BMPR1A: variants seen among roughly 807,000 people sequenced by gnomAD.
BMPR1A encodes bone morphogenetic protein receptor type 1A.
BMPR1A carries 7 observed loss-of-function variants against 66.0 expected under a neutral mutation model. The ratio of observed to expected loss-of-function variants is 0.11; its 90% CI spans 0.06 to 0.20. The LOEUF (loss-of-function observed/expected upper bound fraction) is 0.20, where lower values mean the gene tolerates loss of function less well. Ranked by LOEUF, BMPR1A falls within the 10% of genes least tolerant of loss-of-function variation. The pLI, the probability that BMPR1A is intolerant of heterozygous loss-of-function variation, is 1.00. For missense variants in BMPR1A, 408 were observed against 669.1 expected, an observed-to-expected ratio of 0.61 and a Z score of 4.31; for synonymous variants, 200 against 229.7, an observed-to-expected ratio of 0.87 and a Z score of 1.17.
intron 1 of BMPR1A, among the ~76,000 whole-genome samples, chr10:86,805,975 C>G (rs11202197): frequency 0.31 from 46,910 of 149,846 alleles, 8,343 homozygotes; most frequent in East Asian, 0.69. Flanking sequence ...TTTGGTTGTC[C>G]TGCCTCTTTA....
chr10:86,790,734 C>T (rs967125552), intron 1 of BMPR1A, among the ~76,000 whole-genome samples: 39 of 152,046 alleles, frequency 2.6e-4, no homozygotes, highest in African/African-American at 9.4e-4. Context: ...ATGAAAGGTC[C>T]GGAAAAGGTA....
At position 86,893,603 on chromosome 10, in the gene BMPR1A, A is replaced by T. The variant is rs181846546; in HGVS notation, c.333+1374A>T. Among the ~76,000 whole-genome samples, 469 of 152,292 alleles carry T rather than the reference A, an allele frequency of 3.1e-3. 2 individuals carry two copies. The highest frequency in any genetic ancestry group is 5.1e-3 in the Non-Finnish European group (350 of 68,010). ...TGGAGATCAAGACCATCCGGCTAAC[A>T]TGGTGAAACTCCGTCTCTACTAAAA... On this transcript the variant is annotated intron_variant, in intron 5 of 12. Coordinates refer to ENST00000372037, the MANE Select transcript of BMPR1A (RefSeq NM_004329.3).
chr10:86,907,312 G>A (rs982550815), intron 7 of BMPR1A, among the ~76,000 whole-genome samples: 14 of 152,164 alleles, frequency 9.2e-5, no homozygotes, highest in African/African-American at 3.4e-4. Context: ...CAATTAAAAT[G>A]GCCATTATCA....
downstream of BMPR1A, chr10:86,929,370 C>G (rs1040824768): frequency 6.6e-6 from 1 of 152,278 alleles, no homozygotes; most frequent in East Asian, 1.9e-4. Flanking sequence ...GGAAGTGAAG[C>G]CTTGGATAGC....
intron 1 of BMPR1A, among the ~76,000 whole-genome samples, chr10:86,766,087 A>G (rs1335846578): frequency 2.0e-5 from 3 of 150,436 alleles, no homozygotes; most frequent in Non-Finnish European, 4.4e-5. Context: ...CCTGGGCTCA[A>G]GCAATCCTCC....
chr10:86,757,854 A>G (rs1393445548), intron 1 of BMPR1A, among the ~76,000 whole-genome samples: 3 of 152,222 alleles, frequency 2.0e-5, no homozygotes, highest in Non-Finnish European at 4.4e-5. Context: ...GGAACATCGT[A>G]TTCTGGCAAA....
intron 1 of BMPR1A, among the ~76,000 whole-genome samples, chr10:86,818,457 A>G (rs1484258790): frequency 6.6e-6 from 1 of 152,224 alleles, no homozygotes; most frequent in Non-Finnish European, 1.5e-5. Flanking sequence ...TTCTTCGGTT[A>G]ATAATTTTAG....
chr10:86,837,267 G>A (rs995649414), intron 1 of BMPR1A, among the ~76,000 whole-genome samples: 1 of 127,632 alleles, frequency 7.8e-6, no homozygotes, highest in Non-Finnish European at 1.8e-5. Flanking sequence ...GTGTGTGTGT[G>A]TGTGTGTAAT....
At chr10:86,859,143 C>T (rs1038113132) in intron 2 of BMPR1A, among the ~76,000 whole-genome samples, 8 of 152,162 alleles carry the variant, frequency 5.3e-5, no homozygotes, top group African/African-American at 1.2e-4. Flanking sequence ...CTGGCAAAGG[C>T]GCCAAGAACA....
chr10:86,815,326 C>G (rs1222936534), intron 1 of BMPR1A, among the ~76,000 whole-genome samples: 5 of 152,138 alleles, frequency 3.3e-5, no homozygotes, highest in Non-Finnish European at 5.9e-5. Context: ...TTCTGGAGAA[C>G]CTTTTCCTGT....
intron 2 of BMPR1A, among the ~76,000 whole-genome samples, chr10:86,867,866 G>A (rs1381577285): frequency 6.6e-6 from 1 of 152,138 alleles, no homozygotes; most frequent in African/African-American, 2.4e-5. Flanking sequence ...AAACTATCTT[G>A]GCATAGAAGG....
chr10:86,760,192 T>G (rs1450358727), intron 1 of BMPR1A, among the ~76,000 whole-genome samples: 2 of 148,648 alleles, frequency 1.3e-5, no homozygotes, highest in African/African-American at 4.9e-5. Context: ...TTACCTGTTT[T>G]TTTTTTTTTT....
intron 1 of BMPR1A, among the ~76,000 whole-genome samples, chr10:86,821,652 G>C (rs1249128278): frequency 6.6e-6 from 1 of 152,094 alleles, no homozygotes; most frequent in East Asian, 1.9e-4. Flanking sequence ...CCCACATTTT[G>C]TGCTGCTCCC....
chr10:86,905,401 G>A (rs1843371143), intron 7 of BMPR1A, among the ~76,000 whole-genome samples: 1 of 152,070 alleles, frequency 6.6e-6, no homozygotes, highest in Admixed American at 6.6e-5. Flanking sequence ...TTTTACATTG[G>A]CAAGTATTCG....
At chr10:86,827,711 T>C (rs1394527647) in intron 1 of BMPR1A, among the ~76,000 whole-genome samples, 1 of 152,164 alleles carries the variant, frequency 6.6e-6, no homozygotes, top group Non-Finnish European at 1.5e-5. Flanking sequence ...TACATTTCAT[T>C]TGTTTTGAGT....
intron 1 of BMPR1A, among the ~76,000 whole-genome samples, chr10:86,832,666 A>G (rs118135376): frequency 0.028 from 4,215 of 152,282 alleles, 97 homozygotes; most frequent in South Asian, 0.1. Flanking sequence ...CGTTGGAAAC[A>G]TACAGTATGC....
chr10:86,878,916 G>A (rs1842953024), intron 3 of BMPR1A, among the ~76,000 whole-genome samples: 1 of 152,058 alleles, frequency 6.6e-6, no homozygotes, highest in Non-Finnish European at 1.5e-5. Flanking sequence ...CAATTAAAAG[G>A]ATCTGGGAGA....
At chr10:86,885,292 C>T (rs1010648356) in intron 3 of BMPR1A, among the ~76,000 whole-genome samples, 1 of 152,122 alleles carries the variant, frequency 6.6e-6, no homozygotes, top group Non-Finnish European at 1.5e-5. Context: ...ATTTTATTAT[C>T]CATAAGTAAT....
At chr10:86,794,433 A>G (rs1841675610) in intron 1 of BMPR1A, among the ~76,000 whole-genome samples, 1 of 152,160 alleles carries the variant, frequency 6.6e-6, no homozygotes, top group Admixed American at 6.5e-5. Context: ...AGGGTTCTAG[A>G]TGGGAGGCAA....
Sources: gnomAD v4.1 joint callset for allele counts (sites outside exome capture counted in the v4.1 genomes callset) on GRCh38, gnomAD v4.1.1 for gene constraint, MANE v1.5 for transcripts, NCBI Gene and HGNC (gene_info 2026-07-23, HGNC 2026-07-21) for gene names.